The following BMP2K variants were observed in gnomAD, a reference collection of about 807,000 sequenced individuals.
The protein encoded by BMP2K is BMP-2-inducible protein kinase.
A neutral mutation model predicts 116.0 loss-of-function variants in BMP2K; 74 were observed. The ratio of observed to expected loss-of-function variants is 0.64; its 90% CI spans 0.53 to 0.77. BMP2K has a LOEUF of 0.77. Among genes scored for constraint, BMP2K ranks in the 30% least tolerant of loss-of-function variants. The probability of loss-of-function intolerance (pLI) is 0.00; values close to 1 mark genes in which losing one functional copy is unlikely to be tolerated. For missense variants in BMP2K, 1,365 were observed against 1,403.6 expected, an observed-to-expected ratio of 0.97 and a Z score of 0.44; for synonymous variants, 486 against 502.5, an observed-to-expected ratio of 0.97 and a Z score of 0.44.
intron 4 of BMP2K, 32 bp from the exon 5 acceptor site, chr4:78,844,896 A>ATT (rs1730925801): frequency 6.5e-7 from 1 of 1,542,224 alleles, no homozygotes; most frequent in South Asian, 1.1e-5. Context: ...CACTTTGAAA[A>ATT]TACTACTCAT....
At chr4:78,861,302 G>C (rs768402020) in intron 8 of BMP2K, 87 bp from the exon 9 acceptor site, 30 of 1,018,508 alleles carry the variant, frequency 2.9e-5, no homozygotes, top group Non-Finnish European at 4.3e-5. Flanking sequence ...TACTTTTAAA[G>C]TTCAATGATA....
chr4:78,907,018 C>T (rs1384870446), intron 15 of BMP2K, among the ~76,000 whole-genome samples: 1 of 151,842 alleles, frequency 6.6e-6, no homozygotes, highest in Non-Finnish European at 1.5e-5. Flanking sequence ...AGGAGGGTTT[C>T]CTTTTTACTC....
chr4:78,816,089 G>A lies in BMP2K; in HGVS notation c.179-9948G>A, dbSNP rs139685842. Among the ~76,000 whole-genome samples, 396 of 152,206 alleles carry A rather than the reference G, an allele frequency of 2.6e-3. 1 individual carries two copies. The highest frequency in any genetic ancestry group is 4.4e-3 in the Non-Finnish European group (302 of 67,990). ...CTCTTTTCTAGTTATCTTGTATAGC[G>A]TTCCACGTCTAGCTTTGTCTGATTT... On this transcript the variant is annotated intron_variant, in intron 1 of 15. Coordinates refer to ENST00000502613, the MANE Select transcript of BMP2K (RefSeq NM_198892.2).
At chr4:78,895,942 A>G (rs1733679481) in intron 15 of BMP2K, among the ~76,000 whole-genome samples, 1 of 152,068 alleles carries the variant, frequency 6.6e-6, no homozygotes, top group Non-Finnish European at 1.5e-5. Flanking sequence ...TTTAATTTTT[A>G]GTAGAGACAA....
intron 12 of BMP2K, 176 bp from the exon 13 acceptor site, chr4:78,872,438 G>T (rs1486502031): frequency 2.2e-6 from 1 of 463,732 alleles, no homozygotes; most frequent in East Asian, 3.7e-5. Flanking sequence ...TTTTTAAAAA[G>T]ATTTATTTCA....
intron 1 of BMP2K, among the ~76,000 whole-genome samples, chr4:78,802,420 G>A (rs1004355303): frequency 1.3e-5 from 2 of 152,128 alleles, no homozygotes; most frequent in South Asian, 2.1e-4. Flanking sequence ...AATCTGCCAC[G>A]TTTCTAGGAG....
chr4:78,858,493 T>C (rs986705101), intron 7 of BMP2K, among the ~76,000 whole-genome samples: 3 of 151,930 alleles, frequency 2.0e-5, no homozygotes, highest in African/African-American at 7.2e-5. Flanking sequence ...TTTCGTATAT[T>C]TTACACTGAG....
chr4:78,915,805 T>G lies in BMP2K; in HGVS notation c.*3772T>G, dbSNP rs1055202675. On this transcript the variant is annotated 3_prime_UTR_variant, in exon 16 of 16. Coordinates refer to ENST00000502613, the MANE Select transcript of BMP2K (RefSeq NM_198892.2). ...TGCAAAGGGTCATGATTTGGGGTTA[T>G]TTTTGTTTTATTTTAAAATTTATAC... 2 of 151,912 alleles carry G rather than the reference T, an allele frequency of 1.3e-5. No homozygotes were observed. The highest frequency in any genetic ancestry group is 2.9e-5 in the Non-Finnish European group (2 of 67,874). 9.4% of individuals were successfully genotyped at this position (151,912 alleles called of 1,614,324 possible). A position where few individuals can be genotyped will look rare whatever the true frequency, so the allele number is the denominator to read the frequency against.
intron 1 of BMP2K, among the ~76,000 whole-genome samples, chr4:78,795,469 T>C (rs140108306): frequency 4.6e-5 from 7 of 152,224 alleles, no homozygotes; most frequent in African/African-American, 1.7e-4. Context: ...ATTCAGGACA[T>C]AGGCATGGGC....
intron 1 of BMP2K, among the ~76,000 whole-genome samples, chr4:78,815,657 C>T (rs1192001899): frequency 6.6e-6 from 1 of 152,012 alleles, no homozygotes; most frequent in Admixed American, 6.6e-5. Context: ...GAATAATATG[C>T]CCATCACATA....
intron 1 of BMP2K, among the ~76,000 whole-genome samples, chr4:78,802,834 A>G (rs1204036931): frequency 7.2e-6 from 1 of 139,586 alleles, no homozygotes; most frequent in African/African-American, 3.3e-5. Flanking sequence ...AGCATTTATA[A>G]TCTTTTTTTT....
chr4:78,902,883 A>G (rs1734083623), intron 15 of BMP2K, among the ~76,000 whole-genome samples: 1 of 152,140 alleles, frequency 6.6e-6, no homozygotes, highest in Admixed American at 6.6e-5. Context: ...TTTATTTAAT[A>G]ATATATTGCA....
chr4:78,854,770 T>C (rs999672563), intron 7 of BMP2K, among the ~76,000 whole-genome samples: 2 of 152,120 alleles, frequency 1.3e-5, no homozygotes, highest in Non-Finnish European at 2.9e-5. Context: ...AAATTTGTTA[T>C]GGAAATTTAA....
chr4:78,815,561 A>G (rs1198511794), intron 1 of BMP2K, among the ~76,000 whole-genome samples: 1 of 152,154 alleles, frequency 6.6e-6, no homozygotes, highest in African/African-American at 2.4e-5. Flanking sequence ...CGCCTGGGGA[A>G]AAACATACTT....
Position 78,912,417 on chromosome 4 carries a change from G to C in BMP2K, c.*384G>C, listed in dbSNP as rs1411286069. 1 of 167,992 alleles carries C rather than the reference G, an allele frequency of 6.0e-6. No individual in the cohort carries two copies. The highest frequency in any genetic ancestry group is 1.3e-5 in the Non-Finnish European group (1 of 78,476). 10.4% of individuals were successfully genotyped at this position (167,992 alleles called of 1,614,324 possible). On this transcript the variant is annotated 3_prime_UTR_variant, in exon 16 of 16. Transcript: ENST00000502613. ...TTTATGTGCATATCCCTAAAATTAG[G>C]GTTATTTCTACATACACTAGTTACA...
In BMP2K at chr4:78,878,859, T is replaced by C; in HGVS notation, c.1919T>C (p.Leu640Pro). 1 of 1,613,386 alleles carries C rather than the reference T, an allele frequency of 6.2e-7. No individual in the cohort carries two copies. The highest frequency in any genetic ancestry group is 8.5e-7 in the Non-Finnish European group (1 of 1,179,730). Residue 640 changes from leucine to proline, a missense_variant, in exon 14 of 16, where the codon CTA becomes CCA. Leu to Pro is a moderately conservative substitution (Grantham distance 98). Transcript: ENST00000502613. ...DNFSKLTEEE[L>P]LDREFDLLRS... ...TTCTCTAAGTTAACAGAAGAGGAAC[T>C]ATTGGACAGAGAATTTGACCTTCTA... is the stretch of plus-strand genomic sequence containing the variant.
At chr4:78,778,017 A>G (rs1278414760) in intron 1 of BMP2K, among the ~76,000 whole-genome samples, 1 of 152,244 alleles carries the variant, frequency 6.6e-6, no homozygotes. Context: ...TTACTATACT[A>G]TAAAGTTTTC....
At chr4:78,802,760 A>AG (rs1386957224) in intron 1 of BMP2K, among the ~76,000 whole-genome samples, 1 of 151,946 alleles carries the variant, frequency 6.6e-6, no homozygotes, top group African/African-American at 2.4e-5. Flanking sequence ...TCTGTTTTTG[A>AG]GCTTGCTCTA....
At chr4:78,889,220 CAAAAA>C (rs71661191) in intron 15 of BMP2K, among the ~76,000 whole-genome samples, 1 of 53,754 alleles carries the variant, frequency 1.9e-5, no homozygotes, top group Non-Finnish European at 4.0e-5. Context: ...GACTCTGTCT[CAAAAA>C]AAAAAAAAAA....
Sources: allele counts gnomAD v4.1 joint callset (sites outside exome capture counted in the v4.1 genomes callset), GRCh38; gene constraint gnomAD v4.1.1; transcripts MANE v1.5; gene names NCBI Gene and HGNC (gene_info 2026-07-23, HGNC 2026-07-21).